MACROD2: variants seen among roughly 807,000 people sequenced by gnomAD.
MACROD2 encodes ADP-ribose glycohydrolase MACROD2.
In MACROD2, 36 loss-of-function variants were observed where a neutral mutation model predicts 70.4. The ratio of observed to expected loss-of-function variants is 0.51; its 90% CI spans 0.39 to 0.68. The LOEUF (loss-of-function observed/expected upper bound fraction) is 0.68. Ranked by LOEUF, MACROD2 falls within the 30% of genes least tolerant of loss-of-function variation. The pLI, the probability that MACROD2 is intolerant of heterozygous loss-of-function variation, is 0.00. For missense variants in MACROD2, 496 were observed against 538.4 expected, an observed-to-expected ratio of 0.92 and a Z score of 0.78; for synonymous variants, 172 against 178.8, an observed-to-expected ratio of 0.96 and a Z score of 0.30.
At chr20:15,421,641 A>T (rs1254557219) in intron 6 of MACROD2, among the ~76,000 whole-genome samples, 1 of 152,218 alleles carries the variant, frequency 6.6e-6, no homozygotes, top group Non-Finnish European at 1.5e-5. Context: ...ATAGAAGAAA[A>T]ATATGGCGAT....
chr20:14,629,401 G>C (rs1984376646), intron 4 of MACROD2, among the ~76,000 whole-genome samples: 1 of 152,152 alleles, frequency 6.6e-6, no homozygotes, highest in Non-Finnish European at 1.5e-5. Flanking sequence ...GTGAGAATTA[G>C]CTATTGTACT....
intron 5 of MACROD2, among the ~76,000 whole-genome samples, chr20:15,175,197 A>T (rs2076451134): frequency 6.7e-6 from 1 of 148,448 alleles, no homozygotes; most frequent in African/African-American, 2.5e-5. Context: ...CAAACACCGC[A>T]TATTGTCACT....
At position 15,976,345 on chromosome 20, in the gene MACROD2, C is replaced by G. The variant is rs142522682; in HGVS notation, c.985+8715C>G. Among the ~76,000 whole-genome samples the G allele has an allele frequency of 3.0e-3, 462 of 152,340 alleles. 3 individuals carry two copies. Among genetic ancestry groups the G allele is most frequent in the African/African-American group, 0.011 (442 of 41,572 alleles). On this transcript the variant is annotated intron_variant, in intron 13 of 17. Coordinates refer to ENST00000684519, the MANE Select transcript of MACROD2 (RefSeq NM_001351661.2). ...TTGGATTATCTGTTCTAATGGTCCC[C>G]TCCCATAAGTATGGCTGATTGAGTT...
At chr20:14,015,429 CA>C in intron 2 of MACROD2, among the ~76,000 whole-genome samples, 1 of 151,806 alleles carries the variant, frequency 6.6e-6, no homozygotes, top group African/African-American at 2.4e-5. Flanking sequence ...AATGAACATT[CA>C]AAAAAAACTG....
chr20:14,264,992 G>T (rs2082132328), intron 3 of MACROD2, among the ~76,000 whole-genome samples: 1 of 152,212 alleles, frequency 6.6e-6, no homozygotes, highest in African/African-American at 2.4e-5. Flanking sequence ...GAAGGCTGAA[G>T]TCCTTGTAGG....
intron 5 of MACROD2, among the ~76,000 whole-genome samples, chr20:14,944,926 T>C (rs559179826): frequency 6.6e-6 from 1 of 152,258 alleles, no homozygotes; most frequent in African/African-American, 2.4e-5. Context: ...TCACCTATCA[T>C]TTGTGGAAAC....
At chr20:15,149,074 G>T (rs2076250664) in intron 5 of MACROD2, among the ~76,000 whole-genome samples, 1 of 152,030 alleles carries the variant, frequency 6.6e-6, no homozygotes, top group Non-Finnish European at 1.5e-5. Context: ...TGTCTACCTA[G>T]ACTAAGAGGT....
intron 7 of MACROD2, among the ~76,000 whole-genome samples, chr20:15,475,602 G>A (rs1016252195): frequency 1.3e-5 from 2 of 152,200 alleles, no homozygotes; most frequent in African/African-American, 4.8e-5. Context: ...TGCTGCAGCA[G>A]CCACACCCCG....
Position 14,047,926 on chromosome 20 carries a change from A to G in MACROD2, c.164-37695A>G, listed in dbSNP as rs913787808. On this transcript the variant is annotated intron_variant, in intron 2 of 17. Transcript: ENST00000684519. The stretch of plus-strand genomic sequence containing the variant: ...AATCAAATATTTATAAAACTTCAAA[A>G]TTTCAAGTATCAAAAGAAAATGAAG... 4.6e-5 allele frequency among the ~76,000 whole-genome samples: 7 copies of G among 152,182 alleles called. No homozygotes were observed. In the East Asian group the frequency reaches 9.6e-4, roughly 21 times the overall value.
In MACROD2 at chr20:14,244,469, A is replaced by G. The variant is rs1022784300; in HGVS notation, c.271+158741A>G. Among the ~76,000 whole-genome samples, 5 of 152,130 alleles carry G rather than the reference A, an allele frequency of 3.3e-5. No homozygotes were observed. The East Asian group carries it at 5.8e-4, about 18-fold the overall frequency. ...TTAGTGGTCAGTATGTAGATGGCCA[A>G]CTCTAGAAGGAGGTGTGACATTGTG... On this transcript the variant is annotated intron_variant, in intron 3 of 17. Transcript: ENST00000684519.
At chr20:15,715,031 T>C (rs181943451) in intron 8 of MACROD2, among the ~76,000 whole-genome samples, 6 of 152,278 alleles carry the variant, frequency 3.9e-5, no homozygotes, top group Admixed American at 3.3e-4. Flanking sequence ...CATTGTTACA[T>C]TGTTACAGGA....
At chr20:14,116,721 G>C (rs2054518272) in intron 3 of MACROD2, among the ~76,000 whole-genome samples, 1 of 151,832 alleles carries the variant, frequency 6.6e-6, no homozygotes, top group Non-Finnish European at 1.5e-5. Context: ...TTATGACTTA[G>C]AACCCAGATT....
chr20:15,282,376 C>T (rs764997606), intron 6 of MACROD2, among the ~76,000 whole-genome samples: 2 of 152,184 alleles, frequency 1.3e-5, no homozygotes, highest in Non-Finnish European at 2.9e-5. Flanking sequence ...AACTTTTATG[C>T]TCTGCTTCCC....
In MACROD2 at chr20:15,704,276, T is replaced by G. The variant is rs144688844; in HGVS notation, c.646-158469T>G. ...GAAATTGCATCTTCCATTGTTCTCC[T>G]GTGGTCTCATTATCAATATCACACA... On this transcript the variant is annotated intron_variant, in intron 8 of 17. Transcript: ENST00000684519. Among the ~76,000 whole-genome samples, 66 of 152,342 alleles carry G rather than the reference T, an allele frequency of 4.3e-4. No individual in the cohort carries two copies. The East Asian group carries it at 0.013, about 29-fold the overall frequency.
At chr20:14,682,837 A>T (rs533187828) in intron 4 of MACROD2, among the ~76,000 whole-genome samples, 7 of 152,326 alleles carry the variant, frequency 4.6e-5, no homozygotes, top group African/African-American at 1.7e-4. Context: ...AATTTTAACA[A>T]AATATATTAA....
At chr20:15,706,811 G>A (rs1392469381) in intron 8 of MACROD2, among the ~76,000 whole-genome samples, 1 of 152,124 alleles carries the variant, frequency 6.6e-6, no homozygotes, top group Non-Finnish European at 1.5e-5. Flanking sequence ...TGAGAAGGAG[G>A]TGGATCTAAG....
intron 3 of MACROD2, among the ~76,000 whole-genome samples, chr20:14,195,872 A>G (rs1019707731): frequency 6.6e-6 from 1 of 152,176 alleles, no homozygotes; most frequent in Non-Finnish European, 1.5e-5. Flanking sequence ...CCCAGGTGTG[A>G]TCCGATTCTT....
intron 10 of MACROD2, 101 bp downstream of exon 10, chr20:15,885,912 A>T: frequency 7.9e-7 from 1 of 1,261,986 alleles, no homozygotes; most frequent in Non-Finnish European, 1.1e-6. Flanking sequence ...TAAGATTAAT[A>T]AAATAGAAAT....
intron 5 of MACROD2, among the ~76,000 whole-genome samples, chr20:14,962,258 T>C (rs1470945511): frequency 6.6e-6 from 1 of 152,146 alleles, no homozygotes; most frequent in Non-Finnish European, 1.5e-5. Context: ...CTTGGCACTT[T>C]TGAAGAGTAC....
Sources: allele counts gnomAD v4.1 joint callset (sites outside exome capture counted in the v4.1 genomes callset), GRCh38; gene constraint gnomAD v4.1.1; transcripts MANE v1.5; gene names NCBI Gene and HGNC (gene_info 2026-07-23, HGNC 2026-07-21).